SMIM36: variants seen among roughly 807,000 people sequenced by gnomAD.
SMIM36 encodes small integral membrane protein 36.
chr17:55,527,344 T>C, the SMIM36 span, among the ~76,000 whole-genome samples: 2 of 152,168 alleles, frequency 1.3e-5, no homozygotes, highest in Non-Finnish European at 2.9e-5. Flanking sequence ...GAGAATATGG[T>C]TTAAGTAGCA....
upstream of SMIM36, among the ~76,000 whole-genome samples, chr17:55,513,662 C>T (rs1910220190): frequency 6.6e-6 from 1 of 152,146 alleles, no homozygotes; most frequent in African/African-American, 2.4e-5. Context: ...CCAGGTGCCT[C>T]CATGTAACAA....
At chr17:55,517,349 A>G in the SMIM36 span, among the ~76,000 whole-genome samples, 74,170 of 151,998 alleles carry the variant, frequency 0.49, 18,352 homozygotes, top group Middle Eastern at 0.51. Flanking sequence ...TCAGGAGTTC[A>G]AGACCAGCCT....
chr17:55,496,051 C>T (rs1025644877), intron 1 of SMIM36, among the ~76,000 whole-genome samples: 3 of 152,090 alleles, frequency 2.0e-5, no homozygotes, highest in South Asian at 4.1e-4. Flanking sequence ...CATTTTTCTC[C>T]CTCCCCGAGT....
At chr17:55,519,051 G>A in the SMIM36 span, among the ~76,000 whole-genome samples, 28 of 151,724 alleles carry the variant, frequency 1.8e-4, no homozygotes, top group African/African-American at 6.3e-4. Context: ...GAATTTGAGT[G>A]GAGGAAATGT....
At chr17:55,483,463 A>G (rs1425462036) in intron 1 of SMIM36, among the ~76,000 whole-genome samples, 2 of 152,230 alleles carry the variant, frequency 1.3e-5, no homozygotes, top group African/African-American at 4.8e-5. Flanking sequence ...TTAAATCAGT[A>G]GAACAGTAAA....
the SMIM36 span, among the ~76,000 whole-genome samples, chr17:55,530,824 G>T: frequency 6.6e-6 from 1 of 152,118 alleles, no homozygotes; most frequent in Non-Finnish European, 1.5e-5. Flanking sequence ...CTTGGATGTA[G>T]AAATTCTTAT....
At chr17:55,497,424 C>A (rs1417713124) in intron 1 of SMIM36, among the ~76,000 whole-genome samples, 1 of 152,052 alleles carries the variant, frequency 6.6e-6, no homozygotes, top group Non-Finnish European at 1.5e-5. Flanking sequence ...GCCACCACGC[C>A]CGGCTAATTA....
chr17:55,472,093 G>T (rs890886560), intron 3 of SMIM36, among the ~76,000 whole-genome samples: 1 of 152,122 alleles, frequency 6.6e-6, no homozygotes, highest in Non-Finnish European at 1.5e-5. Flanking sequence ...AGCACCCAAC[G>T]CAACTGAACC....
intron 1 of SMIM36, among the ~76,000 whole-genome samples, chr17:55,483,918 G>A (rs934819957): frequency 6.6e-5 from 10 of 152,096 alleles, no homozygotes; most frequent in African/African-American, 1.4e-4. Flanking sequence ...ATGAGCCACC[G>A]TGCTTGGCCT....
At chr17:55,518,520 A>AT in the SMIM36 span, among the ~76,000 whole-genome samples, 3 of 152,180 alleles carry the variant, frequency 2.0e-5, no homozygotes, top group East Asian at 5.8e-4. Context: ...TAGTTTTGAG[A>AT]TTTTGCTAAA....
At chr17:55,486,195 C>T (rs1381806058) in intron 1 of SMIM36, among the ~76,000 whole-genome samples, 1 of 152,000 alleles carries the variant, frequency 6.6e-6, no homozygotes, top group East Asian at 1.9e-4. Flanking sequence ...CCACCATACA[C>T]AGCTAATTTT....
the SMIM36 span, among the ~76,000 whole-genome samples, chr17:55,529,413 A>G: frequency 6.6e-6 from 1 of 152,080 alleles, no homozygotes; most frequent in African/African-American, 2.4e-5. Context: ...ACTTGAGTCT[A>G]GGAGTTCAAG....
chr17:55,488,062 G>A (rs547570014), intron 1 of SMIM36, among the ~76,000 whole-genome samples: 45 of 152,290 alleles, frequency 3.0e-4, no homozygotes, highest in Admixed American at 1.8e-3. Context: ...TCAATTCTTG[G>A]AAAATTAAAC....
intron 2 of SMIM36, 123 bp downstream of exon 2, chr17:55,479,337 C>A (rs2143273311): frequency 6.6e-6 from 1 of 152,348 alleles, no homozygotes; most frequent in Admixed American, 6.5e-5. Context: ...ATCATCCTAG[C>A]ACTTTGGGAG....
At chr17:55,470,421 G>C (rs888571367) in intron 3 of SMIM36, among the ~76,000 whole-genome samples, 1 of 152,050 alleles carries the variant, frequency 6.6e-6, no homozygotes, top group African/African-American at 2.4e-5. Context: ...CGATACAGAG[G>C]CTGCCCACTC....
At chr17:55,468,970 C>T (rs1307024031) in intron 3 of SMIM36, among the ~76,000 whole-genome samples, 2 of 152,126 alleles carry the variant, frequency 1.3e-5, no homozygotes, top group Non-Finnish European at 2.9e-5. Flanking sequence ...TGCCTGACGT[C>T]CAGGCATTCT....
intron 3 of SMIM36, among the ~76,000 whole-genome samples, chr17:55,476,315 G>T (rs1316422225): frequency 6.6e-6 from 1 of 151,852 alleles, no homozygotes; most frequent in Admixed American, 6.6e-5. Flanking sequence ...CGAGCGCCTT[G>T]TGACCCCTAC....
chr17:55,472,625 C>A (rs968425805), intron 3 of SMIM36, among the ~76,000 whole-genome samples: 1 of 152,234 alleles, frequency 6.6e-6, no homozygotes, highest in Non-Finnish European at 1.5e-5. Flanking sequence ...GTCATCCCAG[C>A]ACTTTGGGAG....
intron 4 of SMIM36, among the ~76,000 whole-genome samples, chr17:55,454,476 C>G (rs991878739): frequency 2.6e-5 from 4 of 152,146 alleles, no homozygotes; most frequent in African/African-American, 9.7e-5. Flanking sequence ...AAAAGGATCA[C>G]ACGTTATTTT....
Sources: allele counts gnomAD v4.1 joint callset (sites outside exome capture counted in the v4.1 genomes callset), GRCh38; gene constraint gnomAD v4.1.1; transcripts MANE v1.5; gene names NCBI Gene and HGNC (gene_info 2026-07-23, HGNC 2026-07-21).